The following VWDE variants were observed in gnomAD, a reference collection of about 807,000 sequenced individuals.
VWDE encodes the protein von Willebrand factor D and EGF domains, also known as von Willebrand factor D and EGF domain-containing protein.
In VWDE, 207 loss-of-function variants were observed where a neutral mutation model predicts 178.4. That is an observed-to-expected ratio of 1.16 (90% confidence interval 1.04 to 1.30). VWDE has a LOEUF of 1.30. VWDE is among the 50% of genes most tolerant of loss of function. The probability of loss-of-function intolerance (pLI) is 0.00; values close to 1 mark genes in which losing one functional copy is unlikely to be tolerated. For synonymous variants in VWDE, 738 were observed against 651.4 expected (o/e 1.13, Z -2.02); for missense variants, 2,287 against 1,901.3 (o/e 1.20, Z -3.77).
chr7:12,331,276 T>G, intron 28 of VWDE, 79 bp from the exon 29 acceptor site: 1 of 1,231,276 alleles, frequency 8.1e-7, no homozygotes, highest in Non-Finnish European at 1.1e-6. Context: ...TGTTGCCTCC[T>G]TCCCTCTGAC....
intron 19 of VWDE, among the ~76,000 whole-genome samples, chr7:12,351,006 C>A (rs1781901132): frequency 6.6e-6 from 1 of 152,086 alleles, no homozygotes; most frequent in Non-Finnish European, 1.5e-5. Context: ...AAGGTGACAA[C>A]ACCGGAACAA....
intron 10 of VWDE, among the ~76,000 whole-genome samples, chr7:12,372,643 G>T (rs1487824251): frequency 6.6e-6 from 1 of 151,990 alleles, no homozygotes; most frequent in South Asian, 2.1e-4. Context: ...AAAACTGGTT[G>T]ATTATTCCTA....
intron 18 of VWDE, among the ~76,000 whole-genome samples, chr7:12,355,247 T>A (rs1005552779): frequency 1.3e-5 from 2 of 151,966 alleles, no homozygotes; most frequent in Non-Finnish European, 2.9e-5. Context: ...AAACCCCATC[T>A]CTACTAAAAA....
At chr7:12,392,028 T>C (rs1488114372) in intron 2 of VWDE, among the ~76,000 whole-genome samples, 1 of 152,198 alleles carries the variant, frequency 6.6e-6, no homozygotes, top group Non-Finnish European at 1.5e-5. Context: ...TCTTCAATAA[T>C]ACAATGCCTC....
Position 12,395,659 on chromosome 7 carries a change from T to A in VWDE, c.59-1881A>T, listed in dbSNP as rs552684481. 2.6e-5 allele frequency among the ~76,000 whole-genome samples: 4 copies of A among 152,196 alleles called. No individual in the cohort carries two copies. The East Asian group carries it at 7.7e-4, about 29-fold the overall frequency. On this transcript the variant is annotated intron_variant, in intron 1 of 28. Coordinates refer to ENST00000275358, the MANE Select transcript of VWDE (RefSeq NM_001135924.3). ...TATAAGATAATTTTAAATTCATATA[T>A]TTTATATCTATTATTTCATAACTTT...
chr7:12,376,745 G>T (rs893916566), intron 7 of VWDE, among the ~76,000 whole-genome samples: 13 of 152,044 alleles, frequency 8.6e-5, no homozygotes, highest in African/African-American at 3.1e-4. Flanking sequence ...AAAATACAAT[G>T]TTGCTCGTGG....
intron 7 of VWDE, among the ~76,000 whole-genome samples, chr7:12,375,795 CA>C (rs1198492484): frequency 1.3e-5 from 2 of 151,896 alleles, no homozygotes; most frequent in African/African-American, 4.8e-5. Context: ...CCAAATGTCC[CA>C]ATATATTCAC....
At chr7:12,390,607 G>A (rs907785802) in intron 2 of VWDE, among the ~76,000 whole-genome samples, 1 of 151,314 alleles carries the variant, frequency 6.6e-6, no homozygotes, top group Non-Finnish European at 1.5e-5. Context: ...ACTATATTGT[G>A]TTATATTTAT....
chr7:12,372,831 G>T, intron 10 of VWDE, 146 bp downstream of exon 10: 1 of 754,940 alleles, frequency 1.3e-6, no homozygotes, highest in South Asian at 1.9e-5. Flanking sequence ...TGAGAAAAAT[G>T]TATTCCCTCT....
At chr7:12,363,494 A>T (rs1179357873) in intron 13 of VWDE, among the ~76,000 whole-genome samples, 1 of 152,072 alleles carries the variant, frequency 6.6e-6, no homozygotes, top group East Asian at 1.9e-4. Context: ...AGTGAAAGAA[A>T]TGCTTAAGTG....
intron 22 of VWDE, 148 bp downstream of exon 22, chr7:12,342,935 T>C (rs555196051): frequency 1.4e-5 from 6 of 434,690 alleles, no homozygotes; most frequent in Non-Finnish European, 2.5e-5. Flanking sequence ...ATGCGGTGTT[T>C]GGTTTTTTGT....
Position 12,337,072 on chromosome 7 carries a change from G to C in VWDE, c.4474C>G (p.Pro1492Ala), listed in dbSNP as rs755144023. 1 of 1,551,466 alleles carries C rather than the reference G, an allele frequency of 6.4e-7. No homozygotes were observed. The highest frequency in any genetic ancestry group is 1.4e-5 in the African/African-American group (1 of 73,038). ...CATTTTCCTCCATTCATGCACGTAG[G>C]ATCACAGATGCCTTAAGGTAAAAGC... ...GRRFQKSICD[P>A]TCMNGGKCVG... Residue 1492 changes from proline to alanine, a missense_variant, in exon 26 of 29, where the codon CCT becomes GCT. Physicochemically the swap from Pro to Ala is conservative, Grantham distance 27. Transcript: ENST00000275358.
chr7:12,394,237 C>A (rs935795961), intron 1 of VWDE, among the ~76,000 whole-genome samples: 3 of 152,134 alleles, frequency 2.0e-5, no homozygotes, highest in African/African-American at 7.2e-5. Flanking sequence ...ACAAACTGAA[C>A]TAATCTTTTA....
chr7:12,334,504 G>A (rs1430571020), intron 27 of VWDE, among the ~76,000 whole-genome samples: 3 of 152,110 alleles, frequency 2.0e-5, no homozygotes, highest in Non-Finnish European at 2.9e-5. Flanking sequence ...TGAAATCCAC[G>A]AGGGCTCCAC....
In VWDE at chr7:12,372,983, T is replaced by A. The variant is rs1783292117; in HGVS notation, c.1581A>T (p.Lys527Asn). 6.4e-7 allele frequency: 1 copy of A among 1,550,920 alleles called. No individual in the cohort carries two copies. Among genetic ancestry groups the A allele is most frequent in the Non-Finnish European group, 8.7e-7 (1 of 1,146,484 alleles). Residue 527 changes from lysine to asparagine, a missense_variant, in exon 10 of 29, where the codon AAA becomes AAT. Physicochemically the swap from Lys to Asn is moderately conservative, Grantham distance 94. Coordinates refer to ENST00000275358, the MANE Select transcript of VWDE (RefSeq NM_001135924.3). ...IKISESYLGR[K>N]VTIWFSSGAF... ...GTTAAAGAATCATACATACTGTGAC[T>A]TTTCTTCCTAAGTAAGATTCACTTA...
At chr7:12,346,923 A>G (rs113348861) in intron 19 of VWDE, among the ~76,000 whole-genome samples, 1,796 of 152,216 alleles carry the variant, frequency 0.012, 45 homozygotes, top group African/African-American at 0.042. Context: ...AATGAACCAA[A>G]AACAACAAAA....
chr7:12,384,486 G>T lies in VWDE; in HGVS notation c.476-885C>A, dbSNP rs544694277. 1.4e-4 allele frequency among the ~76,000 whole-genome samples: 22 copies of T among 152,184 alleles called. No individual in the cohort carries two copies. In the South Asian group the frequency reaches 4.6e-3, roughly 32 times the overall value. On this transcript the variant is annotated intron_variant, in intron 3 of 28. Coordinates refer to ENST00000275358, the MANE Select transcript of VWDE (RefSeq NM_001135924.3). Reference sequence around the variant, plus strand: ...TACAACACCTAGAGCGGACCGTAATGTAAACTATAGACTAGGTGATAATGG... The same window carrying T: ...TACAACACCTAGAGCGGACCGTAATTTAAACTATAGACTAGGTGATAATGG...
chr7:12,364,573 G>C (rs1244247485), intron 13 of VWDE, among the ~76,000 whole-genome samples: 1 of 152,080 alleles, frequency 6.6e-6, no homozygotes, highest in South Asian at 2.1e-4. Flanking sequence ...CATGAAATAA[G>C]TTTCCATTAG....
chr7:12,333,244 A>C (rs1243335307), intron 28 of VWDE, among the ~76,000 whole-genome samples: 1 of 152,174 alleles, frequency 6.6e-6, no homozygotes, highest in East Asian at 1.9e-4. Context: ...TACATTGGAC[A>C]GTTGTATCTA....
Sources: gnomAD v4.1 joint callset for allele counts (sites outside exome capture counted in the v4.1 genomes callset) on GRCh38, gnomAD v4.1.1 for gene constraint, MANE v1.5 for transcripts, NCBI Gene and HGNC (gene_info 2026-07-23, HGNC 2026-07-21) for gene names.